DPP6: variants seen among roughly 807,000 people sequenced by gnomAD.
The protein encoded by DPP6 is A-type potassium channel modulatory protein DPP6.
DPP6 carries 69 observed loss-of-function variants against 122.6 expected under a neutral mutation model. That is an observed-to-expected ratio of 0.56 (90% confidence interval 0.46 to 0.69). The LOEUF (loss-of-function observed/expected upper bound fraction) is 0.69. DPP6 is among the 30% of genes least tolerant of loss of function. DPP6 has a pLI of 0.00. For synonymous variants in DPP6, 418 were observed against 433.1 expected, an observed-to-expected ratio of 0.97 and a Z score of 0.43; for missense variants, 928 against 1,116.9, an observed-to-expected ratio of 0.83 and a Z score of 2.41.
At chr7:154,367,476 T>G (rs1473641399) in intron 1 of DPP6, among the ~76,000 whole-genome samples, 1 of 152,230 alleles carries the variant, frequency 6.6e-6, no homozygotes, top group Non-Finnish European at 1.5e-5. Flanking sequence ...TCTATAACAA[T>G]TTGAGAAGCT....
At chr7:154,253,129 A>C (rs748348906) in intron 1 of DPP6, among the ~76,000 whole-genome samples, 2 of 152,230 alleles carry the variant, frequency 1.3e-5, no homozygotes, top group Non-Finnish European at 2.9e-5. Flanking sequence ...TAGAGCGATC[A>C]CATCATTGTC....
chr7:154,801,655 A>G (rs1322699286), intron 13 of DPP6, among the ~76,000 whole-genome samples, 193 bp downstream of exon 13: 7 of 152,148 alleles, frequency 4.6e-5, no homozygotes, highest in Non-Finnish European at 8.8e-5. Context: ...ACCTTGCTCT[A>G]TCTGGTCACG....
In DPP6 at chr7:154,636,350, C is replaced by A. The variant is rs529590001; in HGVS notation, c.628-1471C>A. 1.3e-4 allele frequency among the ~76,000 whole-genome samples: 20 copies of A among 152,310 alleles called. No homozygotes were observed. The South Asian group carries it at 4.1e-3, about 32-fold the overall frequency. Reference sequence around the variant, plus strand: ...TTAATGGGTCCTCTCTGAGCGGTGACCTGCTCAGGACACAGGAGCCAGCAC... The same window carrying A: ...TTAATGGGTCCTCTCTGAGCGGTGAACTGCTCAGGACACAGGAGCCAGCAC... On this transcript the variant is annotated intron_variant, in intron 5 of 25. Coordinates refer to ENST00000377770, the MANE Select transcript of DPP6 (RefSeq NM_130797.4).
intron 1 of DPP6, among the ~76,000 whole-genome samples, chr7:153,953,559 C>T (rs1802319419): frequency 6.6e-6 from 1 of 152,164 alleles, no homozygotes; most frequent in Admixed American, 6.5e-5. Context: ...CATCTGTGCC[C>T]TCGCTGCATG....
At chr7:153,852,223 A>G in the DPP6 span, among the ~76,000 whole-genome samples, 1 of 152,162 alleles carries the variant, frequency 6.6e-6, no homozygotes, top group African/African-American at 2.4e-5. Context: ...TCCGGCAATC[A>G]TGCTGTACTA....
chr7:154,417,493 C>A (rs572606667), intron 1 of DPP6, among the ~76,000 whole-genome samples: 1 of 152,304 alleles, frequency 6.6e-6, no homozygotes, highest in South Asian at 2.1e-4. Flanking sequence ...GCTCCCTAGG[C>A]ACCTGAGGTG....
rs567066305 is a variant in DPP6 at position 154,807,686 on chromosome 7, G to A, written c.1666+574G>A. On this transcript the variant is annotated intron_variant, in intron 16 of 25. Coordinates refer to ENST00000377770, the MANE Select transcript of DPP6 (RefSeq NM_130797.4). ...AAAATACAAAAATTAGCCGGGCCTG[G>A]TGGTGAATGCCTGTAATCTCAGCTA... is the stretch of plus-strand genomic sequence containing the variant. Among the ~76,000 whole-genome samples, 3 of 152,182 alleles carry A rather than the reference G, an allele frequency of 2.0e-5. No individual in the cohort carries two copies. In the South Asian group the frequency reaches 6.3e-4, roughly 32 times the overall value.
chr7:154,494,849 C>T (rs951542606), intron 3 of DPP6, among the ~76,000 whole-genome samples: 9 of 152,044 alleles, frequency 5.9e-5, no homozygotes, highest in African/African-American at 2.2e-4. Context: ...CATGTATAGA[C>T]GTTGTCCTCA....
chr7:153,885,186 A>G (rs2128990408), upstream of DPP6, among the ~76,000 whole-genome samples: 1 of 151,206 alleles, frequency 6.6e-6, no homozygotes, highest in Non-Finnish European at 1.5e-5. Context: ...AACCATATTA[A>G]CCCTGCTTAC....
chr7:154,836,446 C>A (rs1801064473), intron 16 of DPP6, among the ~76,000 whole-genome samples: 1 of 152,228 alleles, frequency 6.6e-6, no homozygotes, highest in Non-Finnish European at 1.5e-5. Flanking sequence ...CGCACTTTCA[C>A]AACACGGTTA....
chr7:154,759,720 C>T (rs1406274176), intron 8 of DPP6, among the ~76,000 whole-genome samples: 2 of 152,246 alleles, frequency 1.3e-5, no homozygotes, highest in Non-Finnish European at 2.9e-5. Context: ...TGTAAGGCCC[C>T]TCTCTGTGTC....
At chr7:154,373,489 T>G (rs967731803) in intron 1 of DPP6, among the ~76,000 whole-genome samples, 1 of 152,226 alleles carries the variant, frequency 6.6e-6, no homozygotes, top group Non-Finnish European at 1.5e-5. Context: ...CCCTCCTCAG[T>G]GTGGGCTTGG....
At chr7:154,144,300 CTCTT>C (rs1174536700) in intron 1 of DPP6, among the ~76,000 whole-genome samples, 1 of 149,866 alleles carries the variant, frequency 6.7e-6, no homozygotes, top group African/African-American at 2.4e-5. Flanking sequence ...TTATCTACAT[CTCTT>C]TCTTTTCTGT....
intron 4 of DPP6, among the ~76,000 whole-genome samples, chr7:154,549,434 A>G (rs759446686): frequency 6.6e-6 from 1 of 152,236 alleles, no homozygotes; most frequent in Non-Finnish European, 1.5e-5. Flanking sequence ...CATCCTTTTC[A>G]ATGTCAGTAG....
intron 16 of DPP6, among the ~76,000 whole-genome samples, chr7:154,842,946 A>G (rs1386797596): frequency 6.6e-6 from 1 of 152,244 alleles, no homozygotes; most frequent in African/African-American, 2.4e-5. Flanking sequence ...GACTTAGGAA[A>G]TATGAGGACC....
At chr7:154,023,090 T>C (rs1297951281) in intron 1 of DPP6, among the ~76,000 whole-genome samples, 1 of 152,010 alleles carries the variant, frequency 6.6e-6, no homozygotes, top group Non-Finnish European at 1.5e-5. Flanking sequence ...ATTTAGTCTC[T>C]GTTTCACCTA....
chr7:154,409,360 C>T (rs944658141), intron 1 of DPP6, among the ~76,000 whole-genome samples: 12 of 152,112 alleles, frequency 7.9e-5, no homozygotes, highest in Non-Finnish European at 1.5e-4. Flanking sequence ...GGGCAGAGGC[C>T]GCAGATGAAA....
At chr7:154,062,339 C>T (rs1802104095) in intron 1 of DPP6, among the ~76,000 whole-genome samples, 1 of 53,172 alleles carries the variant, frequency 1.9e-5, no homozygotes, top group Non-Finnish European at 3.8e-5. Flanking sequence ...GAGGCACCCC[C>T]CGCGAGGGTG....
chr7:153,950,908 G>A (rs1183598552), intron 1 of DPP6, among the ~76,000 whole-genome samples: 1 of 152,198 alleles, frequency 6.6e-6, no homozygotes, highest in African/African-American at 2.4e-5. Flanking sequence ...TGGAATGCAA[G>A]CCACGTAGGT....
Sources: gnomAD v4.1 joint callset for allele counts (sites outside exome capture counted in the v4.1 genomes callset) on GRCh38, gnomAD v4.1.1 for gene constraint, MANE v1.5 for transcripts, NCBI Gene and HGNC (gene_info 2026-07-23, HGNC 2026-07-21) for gene names.